Variants in VPS13A observed in about 807,000 individuals in gnomAD.
The protein encoded by VPS13A is intermembrane lipid transfer protein VPS13A.
In VPS13A, 264 loss-of-function variants were observed where a neutral mutation model predicts 390.9. That is an observed-to-expected ratio of 0.68 (90% confidence interval 0.61 to 0.75). The LOEUF (loss-of-function observed/expected upper bound fraction) is 0.75. Ranked by LOEUF, VPS13A falls within the 30% of genes least tolerant of loss-of-function variation. The pLI is 0.00. For missense variants in VPS13A, 3,409 were observed against 3,733.9 expected (o/e 0.91, Z 2.27); for synonymous variants, 1,231 against 1,227.1 (o/e 1.00, Z -0.07).
chr9:77,265,430 CT>C (rs1381231839), intron 23 of VPS13A, among the ~76,000 whole-genome samples: 3 of 152,028 alleles, frequency 2.0e-5, no homozygotes, highest in African/African-American at 7.2e-5. Context: ...TGGTCGTGGG[CT>C]TTTTTTGGTT....
At position 77,177,611 on chromosome 9, in the gene VPS13A, C is replaced by T. The variant is rs1217185140; in HGVS notation, c.-94C>T. The T allele has an allele frequency of 1.2e-5, 14 of 1,194,654 alleles. No homozygotes were observed. The highest frequency in any genetic ancestry group is 1.5e-5 in the African/African-American group (1 of 66,492). The allele number at this position is 1,194,654 out of a possible 1,614,324, so 74.0% of individuals were successfully genotyped here. On this transcript the variant is annotated 5_prime_UTR_variant, in exon 1 of 72. Transcript: ENST00000360280. Reference sequence around the variant, plus strand: ...GCCGCAGCTGAAGCCGCCCCGGAGCCGGTGAACCGAATTACCTCGAGGGAG... The same window carrying T: ...GCCGCAGCTGAAGCCGCCCCGGAGCTGGTGAACCGAATTACCTCGAGGGAG...
chr9:77,336,627 A>G (rs1830550102), intron 46 of VPS13A, among the ~76,000 whole-genome samples: 1 of 151,482 alleles, frequency 6.6e-6, no homozygotes, highest in African/African-American at 2.4e-5. Flanking sequence ...CAAGTCACAG[A>G]TGATTCTATG....
At chr9:77,351,282 AT>A in intron 52 of VPS13A, 34 bp from the exon 53 acceptor site, 1 of 1,609,378 alleles carries the variant, frequency 6.2e-7, no homozygotes. Flanking sequence ...GTGTACTTGC[AT>A]TTAATTTAAC....
At chr9:77,400,539 T>G (rs943328393) in intron 68 of VPS13A, among the ~76,000 whole-genome samples, 1 of 151,932 alleles carries the variant, frequency 6.6e-6, no homozygotes, top group Non-Finnish European at 1.5e-5. Flanking sequence ...TCAAGATTAT[T>G]AAAATGGGCC....
intron 5 of VPS13A, among the ~76,000 whole-genome samples, chr9:77,208,867 AT>A (rs1305085663): frequency 5.9e-5 from 9 of 152,118 alleles, no homozygotes; most frequent in Non-Finnish European, 1.3e-4. Flanking sequence ...GATTCTTTCT[AT>A]TTCTTTGGAA....
At position 77,412,727 on chromosome 9, in the gene VPS13A, T is replaced by C. The variant is rs539296759; in HGVS notation, c.9475-3229T>C. Among the ~76,000 whole-genome samples, 1,407 of 152,144 alleles carry C rather than the reference T, an allele frequency of 9.2e-3. 24 individuals carry two copies. Among genetic ancestry groups the C allele is most frequent in the African/African-American group, 0.033 (1,354 of 41,510 alleles). ...CCTCTCTCACCACTCCTATTCAACA[T>C]AGTGTTGGAAGTTCTGGCCAGGGCA... On this transcript the variant is annotated intron_variant, in intron 71 of 71. Transcript: ENST00000360280.
At position 77,220,098 on chromosome 9, in the gene VPS13A, T is replaced by C. The variant is rs1159834404; in HGVS notation, c.882+17T>C. 6.3e-7 allele frequency: 1 copy of C among 1,591,342 alleles called. No homozygotes were observed. The highest frequency in any genetic ancestry group is 8.6e-7 in the Non-Finnish European group (1 of 1,162,946). ...AAACCACAGGTGATTTTCTTTAATA[T>C]AATTTTCAATTGTGAATTATTGTTT... On this transcript the variant is annotated intron_variant, in intron 11 of 71. Coordinates refer to ENST00000360280, the MANE Select transcript of VPS13A (RefSeq NM_033305.3).
intron 23 of VPS13A, among the ~76,000 whole-genome samples, chr9:77,266,679 C>A (rs1055220663): frequency 6.6e-6 from 1 of 151,970 alleles, no homozygotes; most frequent in African/African-American, 2.4e-5. Flanking sequence ...GTAGTGTTCT[C>A]TGTATTTCCT....
rs146474825 is a variant in VPS13A, at chr9:77,356,569, T to C, written c.7653-145T>C. 1.6e-4 allele frequency: 148 copies of C among 900,500 alleles called. 1 individual carries two copies. In the East Asian group the frequency reaches 3.1e-3, roughly 19 times the overall value. The allele number at this position is 900,500 out of a possible 1,614,324, so 55.8% of individuals were successfully genotyped here. On this transcript the variant is annotated intron_variant, in intron 54 of 71. Transcript: ENST00000360280. ...AATAGGTAGTAGTTGAATGAATTCA[T>C]GTTTTTAAATTTGTAATATGCTCAC...
intron 39 of VPS13A, among the ~76,000 whole-genome samples, chr9:77,317,205 A>G (rs1401516774): frequency 6.6e-6 from 1 of 152,058 alleles, no homozygotes. Flanking sequence ...TTGGCCCTCC[A>G]CTAAGCAAAG....
At chr9:77,261,012 C>A (rs903718385) in intron 23 of VPS13A, among the ~76,000 whole-genome samples, 1 of 151,934 alleles carries the variant, frequency 6.6e-6, no homozygotes, top group African/African-American at 2.4e-5. Flanking sequence ...AGTTCTCTGC[C>A]TCAGCCTCCT....
intron 35 of VPS13A, among the ~76,000 whole-genome samples, chr9:77,310,622 A>C (rs1189687595): frequency 6.6e-6 from 1 of 152,220 alleles, no homozygotes; most frequent in African/African-American, 2.4e-5. Context: ...TCATTGAAAA[A>C]TACTACATGG....
At chr9:77,354,461 A>G (rs577375084) in intron 54 of VPS13A, among the ~76,000 whole-genome samples, 80 of 152,304 alleles carry the variant, frequency 5.3e-4, no homozygotes, top group African/African-American at 1.9e-3. Context: ...GACCTATTAT[A>G]TGTTATCTTC....
At chr9:77,202,134 A>G (rs2131110861) in intron 3 of VPS13A, among the ~76,000 whole-genome samples, 1 of 152,288 alleles carries the variant, frequency 6.6e-6, no homozygotes, top group East Asian at 1.9e-4. Flanking sequence ...GTATTCTGAA[A>G]GGTTACCTAG....
At chr9:77,343,818 C>G (rs1288356487) in intron 50 of VPS13A, among the ~76,000 whole-genome samples, 2 of 152,158 alleles carry the variant, frequency 1.3e-5, no homozygotes, top group African/African-American at 4.8e-5. Context: ...TAAGCCTGAT[C>G]ATCTGTGTCC....
chr9:77,339,846 C>T lies in VPS13A; in HGVS notation c.6709C>T (p.Pro2237Ser). Residue 2237 changes from proline (P) to serine (S), a missense_variant, in exon 48 of 72, where the codon CCA (proline) becomes TCA (serine). Around this residue, in one of 5 missense-constraint regions of VPS13A, gnomAD observed 2,717 missense variants for 2,917.4 expected, o/e 0.93. Transcript: ENST00000360280. ...YKADGIHRKH[P>S]PNYKKPVLFS... ...AGCAGACGGAATTCATCGAAAGCAT[C>T]CACCTAATTATAAAAAGCCAGTTCT... The T allele has an allele frequency of 6.2e-7, 1 of 1,613,834 alleles. No individual in the cohort carries two copies.
Position 77,325,282 on chromosome 9 carries a change from G to A in VPS13A, c.5991+2055G>A, listed in dbSNP as rs916556210. Among the ~76,000 whole-genome samples, 9 of 152,222 alleles carry A rather than the reference G, an allele frequency of 5.9e-5. No individual in the cohort carries two copies. In the South Asian group the frequency reaches 6.2e-4, roughly 11 times the overall value. The stretch of plus-strand genomic sequence containing the variant: ...TCAAGCCTGCTGCTTGCTTCCTGCC[G>A]TGCAGCCCACTTCTTAACAGGCCAC... On this transcript the variant is annotated intron_variant, in intron 45 of 71. Coordinates refer to ENST00000360280, the MANE Select transcript of VPS13A (RefSeq NM_033305.3).
chr9:77,301,563 CA>C (rs1478983200), intron 33 of VPS13A, among the ~76,000 whole-genome samples: 1 of 152,148 alleles, frequency 6.6e-6, no homozygotes, highest in Non-Finnish European at 1.5e-5. Flanking sequence ...CAAAATTCTA[CA>C]GTCATGGTGT....
chr9:77,300,044 TAACA>T (rs1828252994), intron 33 of VPS13A, among the ~76,000 whole-genome samples: 1 of 152,200 alleles, frequency 6.6e-6, no homozygotes, highest in South Asian at 2.1e-4. Context: ...TGTAACAATG[TAACA>T]AACCTGCACA....
Sources: gnomAD v4.1 joint callset for allele counts (sites outside exome capture counted in the v4.1 genomes callset) on GRCh38, gnomAD v4.1.1 for gene constraint, gnomAD v4.1.1 regional missense constraint, MANE v1.5 for transcripts, NCBI Gene and HGNC (gene_info 2026-07-23, HGNC 2026-07-21) for gene names.